Variants in MBD5 observed in about 807,000 individuals in gnomAD.
MBD5 encodes methyl-CpG binding domain protein 5.
A neutral mutation model predicts 117.3 loss-of-function variants in MBD5; 13 were observed. That is an observed-to-expected ratio of 0.11 (90% CI 0.07 to 0.18). MBD5 has a LOEUF of 0.18. Ranked by LOEUF, MBD5 falls within the 10% of genes least tolerant of loss-of-function variation. The pLI is 1.00. For missense variants in MBD5, 1,879 were observed against 2,093.8 expected, an observed-to-expected ratio of 0.90 and a Z score of 2.00; for synonymous variants, 727 against 766.4, an observed-to-expected ratio of 0.95 and a Z score of 0.85.
rs1167286927 is a variant in MBD5, at chr2:148,272,651, G to T, written c.-680+39256G>T. The stretch of plus-strand genomic sequence containing the variant: ...AAGTTGTTTGTTTGCCTCTTGTTGA[G>T]TTCTTTGTGTTCTGTATATATTTTA... On this transcript the variant is annotated intron_variant, in intron 3 of 13. Coordinates refer to ENST00000642680, the MANE Select transcript of MBD5 (RefSeq NM_001378120.1). Among the ~76,000 whole-genome samples, 2 of 151,906 alleles carry T rather than the reference G, an allele frequency of 1.3e-5. 1 individual carries two copies. Among genetic ancestry groups the T allele is most frequent in the Non-Finnish European group, 2.9e-5 (2 of 67,956 alleles).
chr2:148,468,493 C>G lies in MBD5; in HGVS notation c.550C>G (p.Gln184Glu). 6.2e-7 allele frequency: 1 copy of G among 1,613,846 alleles called. No individual in the cohort carries two copies. Among genetic ancestry groups the G allele is most frequent in the Non-Finnish European group, 8.5e-7 (1 of 1,179,844 alleles). ...AAATGCCATGGGAAGGCTATATGTA[C>G]AAGAACTGCCTGGAAGCCAACAACA... Reference protein sequence around the residue: ...SSNAMGRLYVQELPGSQQQEL... With the variant: ...SSNAMGRLYVEELPGSQQQEL... Residue 184 changes from glutamine (Q) to glutamate (E), a missense_variant, in exon 8 of 14, where the codon CAA (glutamine) becomes GAA (glutamate). Physicochemically the swap from Gln to Glu is conservative, Grantham distance 29 (BLOSUM62 2). Transcript: ENST00000642680.
At chr2:148,481,944 G>A (rs750551794) in intron 8 of MBD5, among the ~76,000 whole-genome samples, 1 of 152,098 alleles carries the variant, frequency 6.6e-6, no homozygotes, top group African/African-American at 2.4e-5. Flanking sequence ...AGGCTTTTAA[G>A]AATAAGAATG....
At chr2:148,200,200 G>C (rs1699101410) in intron 2 of MBD5, among the ~76,000 whole-genome samples, 1 of 145,622 alleles carries the variant, frequency 6.9e-6, no homozygotes. Flanking sequence ...TCCCCCCTAA[G>C]ATTTAAATTT....
At chr2:148,151,809 G>T (rs542271480) in intron 1 of MBD5, among the ~76,000 whole-genome samples, 1,785 of 151,590 alleles carry the variant, frequency 0.012, 42 homozygotes, top group African/African-American at 0.041. Context: ...ATTTTTTATT[G>T]CGTCTATTTG....
intron 3 of MBD5, among the ~76,000 whole-genome samples, chr2:148,288,428 A>G: frequency 6.8e-6 from 1 of 147,512 alleles, no homozygotes; most frequent in Non-Finnish European, 1.5e-5. Context: ...ATTTCTTCAC[A>G]GTAATAAGAT....
intron 12 of MBD5, among the ~76,000 whole-genome samples, chr2:148,504,298 T>G (rs1681961179): frequency 6.6e-6 from 1 of 152,236 alleles, no homozygotes; most frequent in Admixed American, 6.5e-5. Flanking sequence ...CAGACTTTCC[T>G]TTTCGATGCC....
chr2:148,208,703 A>G (rs1311637371), intron 2 of MBD5, among the ~76,000 whole-genome samples: 3 of 147,466 alleles, frequency 2.0e-5, no homozygotes, highest in African/African-American at 5.0e-5. Context: ...CTTGACTATT[A>G]CAATTATTTT....
intron 1 of MBD5, chr2:148,025,570 A>G (rs1477931671): frequency 2.0e-5 from 3 of 150,738 alleles, no homozygotes; most frequent in African/African-American, 7.3e-5. Flanking sequence ...AACACCCCAA[A>G]CCCTCTAAAC....
intron 2 of MBD5, among the ~76,000 whole-genome samples, chr2:148,210,248 C>G (rs1699387077): frequency 6.6e-6 from 1 of 152,136 alleles, no homozygotes; most frequent in Non-Finnish European, 1.5e-5. Flanking sequence ...GATTTTCATA[C>G]AAACCAGTTG....
intron 4 of MBD5, among the ~76,000 whole-genome samples, chr2:148,364,711 G>T (rs865965935): frequency 1.3e-5 from 2 of 151,862 alleles, no homozygotes; most frequent in Non-Finnish European, 2.9e-5. Context: ...GGTAAAAGAG[G>T]GTTTAAACCA....
At chr2:148,340,698 A>T (rs566346235) in intron 3 of MBD5, among the ~76,000 whole-genome samples, 25 of 152,202 alleles carry the variant, frequency 1.6e-4, no homozygotes, top group African/African-American at 5.8e-4. Flanking sequence ...GCCAGGTGGC[A>T]ATAATATATA....
intron 4 of MBD5, among the ~76,000 whole-genome samples, chr2:148,448,599 G>A (rs1706636295): frequency 6.6e-6 from 1 of 151,868 alleles, no homozygotes; most frequent in Non-Finnish European, 1.5e-5. Flanking sequence ...AATCCAAGTA[G>A]GAACTTGGCA....
intron 1 of MBD5, among the ~76,000 whole-genome samples, chr2:148,033,813 T>C (rs1429432379): frequency 6.6e-6 from 1 of 152,234 alleles, no homozygotes; most frequent in Non-Finnish European, 1.5e-5. Flanking sequence ...CAGACCATGC[T>C]TTTACAGCAG....
chr2:148,278,670 T>C (rs914482941), intron 3 of MBD5, among the ~76,000 whole-genome samples: 1 of 152,216 alleles, frequency 6.6e-6, no homozygotes, highest in African/African-American at 2.4e-5. Flanking sequence ...ACCAGTAGGA[T>C]ATATCTAGAG....
In MBD5 at chr2:148,288,119, G is replaced by A. The variant is rs986515494; in HGVS notation, c.-679-54095G>A. On this transcript the variant is annotated intron_variant, in intron 3 of 13. Transcript: ENST00000642680. ...TCAGACCTTTAAAAAAGTGATTTCT[G>A]GCCGGGCGCGGTGGCTCACGCCTGT... 7.2e-5 allele frequency among the ~76,000 whole-genome samples: 11 copies of A among 151,874 alleles called. 1 individual carries two copies. Among genetic ancestry groups the A allele is most frequent in the Middle Eastern group, 3.4e-3 (1 of 294 alleles).
chr2:148,294,232 T>TGG lies in MBD5; in HGVS notation c.-679-47982_-679-47981insGG, dbSNP rs1377826615. Among the ~76,000 whole-genome samples, 11 of 41,100 alleles carry TGG rather than the reference T, an allele frequency of 2.7e-4. 1 individual carries two copies. The highest frequency in any genetic ancestry group is 8.6e-4 in the East Asian group (1 of 1,166). 27.0% of individuals were successfully genotyped at this position (41,100 alleles called of 152,430 possible). On this transcript the variant is annotated intron_variant, in intron 3 of 13. Coordinates refer to ENST00000642680, the MANE Select transcript of MBD5 (RefSeq NM_001378120.1). ...TTTTTTTTTTTTTTTTTTTTTTTTT[T>TGG]TTTTTTTTTTGAGACAGAGTCTTGC...
At chr2:148,137,883 G>A (rs1259883238) in intron 1 of MBD5, among the ~76,000 whole-genome samples, 1 of 152,100 alleles carries the variant, frequency 6.6e-6, no homozygotes, top group Non-Finnish European at 1.5e-5. Context: ...AGGAGCAATG[G>A]GCTGTGTCAT....
At chr2:148,445,924 A>G (rs952130918) in intron 4 of MBD5, among the ~76,000 whole-genome samples, 1 of 151,306 alleles carries the variant, frequency 6.6e-6, no homozygotes, top group African/African-American at 2.5e-5. Context: ...TTGGCTGCAT[A>G]AATGTGTTCT....
chr2:148,085,766 C>T (rs373249326), intron 1 of MBD5, among the ~76,000 whole-genome samples: 64 of 152,196 alleles, frequency 4.2e-4, no homozygotes, highest in Admixed American at 2.0e-4. Flanking sequence ...CCCCAAATTT[C>T]TCTTTTAATG....
Sources: gnomAD v4.1 joint callset for allele counts (sites outside exome capture counted in the v4.1 genomes callset) on GRCh38, gnomAD v4.1.1 for gene constraint, MANE v1.5 for transcripts, NCBI Gene and HGNC (gene_info 2026-07-23, HGNC 2026-07-21) for gene names.